Variants in ROBO2 observed in about 807,000 individuals in gnomAD.
ROBO2 encodes the protein roundabout homolog 2.
ROBO2 carries 53 observed loss-of-function variants against 160.8 expected under a neutral mutation model. That is an observed-to-expected ratio of 0.33 (90% CI 0.26 to 0.41). The LOEUF (loss-of-function observed/expected upper bound fraction) is 0.41, where lower values mean the gene tolerates loss of function less well. Ranked by LOEUF, ROBO2 falls within the 10% of genes least tolerant of loss-of-function variation. The pLI is 1.00. For synonymous variants in ROBO2, 664 were observed against 611.7 expected (o/e 1.09, Z -1.26); for missense variants, 1,577 against 1,722.4 (o/e 0.92, Z 1.49).
At chr3:76,943,265 A>T (rs143807743) in intron 2 of ROBO2, among the ~76,000 whole-genome samples, 71 of 152,254 alleles carry the variant, frequency 4.7e-4, no homozygotes, top group African/African-American at 1.6e-3. Flanking sequence ...CCCTTCCATG[A>T]GCCTCTGACC....
chr3:77,283,890 A>T (rs368633766), intron 2 of ROBO2, among the ~76,000 whole-genome samples: 1 of 152,322 alleles, frequency 6.6e-6, no homozygotes, highest in African/African-American at 2.4e-5. Flanking sequence ...GTTAAGATGA[A>T]TCAGAGCTAA....
chr3:76,085,655 A>G (rs1329267957), intron 2 of ROBO2, among the ~76,000 whole-genome samples: 1 of 152,162 alleles, frequency 6.6e-6, no homozygotes, highest in Non-Finnish European at 1.5e-5. Flanking sequence ...GAAATTGGAG[A>G]GAGACACAGG....
intron 2 of ROBO2, among the ~76,000 whole-genome samples, chr3:77,111,988 G>T (rs2073645379): frequency 6.6e-6 from 1 of 151,858 alleles, no homozygotes; most frequent in Non-Finnish European, 1.5e-5. Flanking sequence ...GAGGTGGGCG[G>T]GTCGCTTGAG....
At chr3:77,438,901 A>C (rs1404428256) in intron 2 of ROBO2, among the ~76,000 whole-genome samples, 1 of 152,118 alleles carries the variant, frequency 6.6e-6, no homozygotes, top group African/African-American at 2.4e-5. Context: ...TGTAAGAAAA[A>C]GTGAAGTAGT....
chr3:76,307,502 T>C (rs1345406123), intron 2 of ROBO2, among the ~76,000 whole-genome samples: 2 of 152,008 alleles, frequency 1.3e-5, no homozygotes, highest in African/African-American at 2.4e-5. Flanking sequence ...TGGTGAGGAA[T>C]TTTATTCTGA....
chr3:76,194,376 A>ATATATG (rs1290686162), intron 2 of ROBO2, among the ~76,000 whole-genome samples: 10 of 142,216 alleles, frequency 7.0e-5, no homozygotes, highest in Admixed American at 4.9e-4. Context: ...ATATATATAT[A>ATATATG]TATATATATA....
chr3:75,988,509 C>T (rs2065477298), intron 2 of ROBO2, among the ~76,000 whole-genome samples: 1 of 151,920 alleles, frequency 6.6e-6, no homozygotes. Context: ...TTTTTAAATT[C>T]TCTACATCTG....
rs112488963 is a variant in ROBO2 at position 76,663,090 on chromosome 3, T to C, written c.110-434924T>C. On this transcript the variant is annotated intron_variant, in intron 2 of 26. Coordinates refer to the ROBO2 transcript ENST00000487694. ...AATGAAGATTTGAACCAAGAAAGTG[T>C]ATCAGTGGCAAAGTGGAAGAGACCT... Among the ~76,000 whole-genome samples, 230 of 152,202 alleles carry C rather than the reference T, an allele frequency of 1.5e-3. 2 individuals are homozygous for C. The highest frequency in any genetic ancestry group is 5.2e-3 in the African/African-American group (216 of 41,530).
At chr3:76,133,562 T>A (rs115223618) in intron 2 of ROBO2, among the ~76,000 whole-genome samples, 13,623 of 152,068 alleles carry the variant, frequency 0.09, 946 homozygotes, top group East Asian at 0.36. Context: ...GAAGCCAGTC[T>A]GAGTCCCAAA....
intron 2 of ROBO2, among the ~76,000 whole-genome samples, chr3:77,155,805 G>A (rs771339366): frequency 6.6e-6 from 1 of 151,988 alleles, no homozygotes; most frequent in Non-Finnish European, 1.5e-5. Flanking sequence ...AGCACTTCAT[G>A]TCGTTAACTA....
chr3:76,278,495 C>T (rs1457984747), intron 2 of ROBO2, among the ~76,000 whole-genome samples: 2 of 151,900 alleles, frequency 1.3e-5, no homozygotes, highest in East Asian at 1.9e-4. Flanking sequence ...TCCTTAGTTT[C>T]TCTTATACTG....
chr3:76,450,159 T>A (rs2077404712), intron 2 of ROBO2, among the ~76,000 whole-genome samples: 1 of 152,140 alleles, frequency 6.6e-6, no homozygotes, highest in African/African-American at 2.4e-5. Context: ...TGTTTTTCAA[T>A]GCTGATAGAA....
intron 2 of ROBO2, among the ~76,000 whole-genome samples, chr3:76,217,832 T>C (rs576532060): frequency 1.3e-5 from 2 of 152,310 alleles, no homozygotes; most frequent in East Asian, 3.9e-4. Context: ...ATCATCCTGA[T>C]GCCAAAGCCT....
intron 2 of ROBO2, among the ~76,000 whole-genome samples, chr3:76,909,309 C>A (rs2075818629): frequency 6.6e-6 from 1 of 152,172 alleles, no homozygotes; most frequent in Non-Finnish European, 1.5e-5. Context: ...CTCATTAAAA[C>A]ACACGCTTGC....
chr3:77,002,289 C>T (rs1022233432), intron 2 of ROBO2, among the ~76,000 whole-genome samples: 1 of 151,724 alleles, frequency 6.6e-6, no homozygotes, highest in Non-Finnish European at 1.5e-5. Context: ...AACTTATACA[C>T]CACATAAAAT....
At chr3:77,028,006 C>A (rs746633657) in intron 2 of ROBO2, among the ~76,000 whole-genome samples, 4 of 152,034 alleles carry the variant, frequency 2.6e-5, no homozygotes, top group African/African-American at 9.7e-5. Flanking sequence ...TGAAACCAAG[C>A]CTGTGGAATA....
intron 2 of ROBO2, among the ~76,000 whole-genome samples, chr3:76,851,770 A>G (rs1224196968): frequency 7.0e-6 from 1 of 142,196 alleles, no homozygotes; most frequent in Non-Finnish European, 1.5e-5. Flanking sequence ...AAAAAATATT[A>G]ACATGTGCTT....
At chr3:76,997,999 C>G (rs188890152) in intron 2 of ROBO2, among the ~76,000 whole-genome samples, 18 of 152,092 alleles carry the variant, frequency 1.2e-4, no homozygotes, top group Non-Finnish European at 2.5e-4. Context: ...AACATAAATC[C>G]TCTTGAGTCA....
chr3:77,324,623 CA>C (rs1216974198), intron 2 of ROBO2, among the ~76,000 whole-genome samples: 1 of 149,146 alleles, frequency 6.7e-6, no homozygotes, highest in Non-Finnish European at 1.5e-5. Context: ...ACTAAAAATA[CA>C]AAAAAATTAG....
Sources: gnomAD v4.1 joint callset for allele counts (sites outside exome capture counted in the v4.1 genomes callset) on GRCh38, gnomAD v4.1.1 for gene constraint, MANE v1.5 for transcripts, NCBI Gene and HGNC (gene_info 2026-07-23, HGNC 2026-07-21) for gene names.